Variants in DMD observed in about 807,000 individuals in gnomAD.
DMD encodes the protein dystrophin, also known as mutant dystrophin.
DMD carries 63 observed loss-of-function variants against 330.1 expected under a neutral mutation model. That is an observed-to-expected ratio of 0.19 (90% CI 0.16 to 0.24). The LOEUF (loss-of-function observed/expected upper bound fraction) is 0.24. Among genes scored for constraint, DMD ranks in the 10% least tolerant of loss-of-function variants. The pLI is 1.00. For synonymous variants in DMD, 1,223 were observed against 959.8 expected (o/e 1.27, Z -5.07); for missense variants, 3,344 against 2,684.1 (o/e 1.25, Z -5.43).
chrX:31,823,156 C>A (rs1378791420), intron 49 of DMD, among the ~76,000 whole-genome samples: 1 of 112,966 alleles, frequency 8.9e-6, no homozygotes, highest in Non-Finnish European at 1.9e-5. Context: ...GCTCTCATGG[C>A]AACTGGCCAA....
chrX:32,572,553 T>C (rs1448842108), intron 15 of DMD, among the ~76,000 whole-genome samples: 3 of 90,745 alleles, frequency 3.3e-5, no homozygotes, highest in Non-Finnish European at 7.3e-5. Flanking sequence ...CTTTAGAGTT[T>C]TTTTTTTTTT....
chrX:32,930,013 A>G (rs932344825), intron 2 of DMD, among the ~76,000 whole-genome samples: 1 of 111,753 alleles, frequency 8.9e-6, no homozygotes, highest in African/African-American at 3.3e-5. Context: ...TACCCATCAT[A>G]GTTTGGAAAT....
chrX:32,433,953 C>G (rs182356963), intron 29 of DMD, among the ~76,000 whole-genome samples: 1 of 111,844 alleles, frequency 8.9e-6, no homozygotes, highest in African/African-American at 3.3e-5. Flanking sequence ...TCTTTCAAAT[C>G]ATTACTGTGA....
At chrX:31,525,375 A>C (rs1381557520) in intron 55 of DMD, among the ~76,000 whole-genome samples, 1 of 111,890 alleles carries the variant, frequency 8.9e-6, no homozygotes, top group Non-Finnish European at 1.9e-5. Flanking sequence ...GAGTTCCACT[A>C]ATTTTCTGTG....
At chrX:32,642,046 C>T (rs1008753041) in intron 11 of DMD, among the ~76,000 whole-genome samples, 1 of 111,447 alleles carries the variant, frequency 9.0e-6, no homozygotes, top group African/African-American at 3.3e-5. Context: ...TTCATAATCA[C>T]GTTTTTTGTT....
intron 51 of DMD, among the ~76,000 whole-genome samples, chrX:31,761,315 A>G (rs1167693427): frequency 9.0e-6 from 1 of 111,135 alleles, no homozygotes; most frequent in Non-Finnish European, 1.9e-5. Context: ...AGTTTGGGCC[A>G]TGGGGTGGTG....
At chrX:31,275,570 T>C (rs1488507217) in intron 62 of DMD, among the ~76,000 whole-genome samples, 1 of 110,969 alleles carries the variant, frequency 9.0e-6, no homozygotes, top group African/African-American at 3.3e-5. Flanking sequence ...GAAGAAAAAA[T>C]TGGCACCACC....
rs1229095280 is a variant in DMD at position 33,121,245 on chromosome X, TA to T, written c.31+90036del. Reference sequence around the variant, plus strand: ...AATTTATCATTCTTTTTTTTTTTTTTATTGAGACGGAGTCTTCCTCTGTCTC... The same window carrying T: ...AATTTATCATTCTTTTTTTTTTTTTTTTGAGACGGAGTCTTCCTCTGTCTC... On this transcript the variant is annotated intron_variant, in intron 1 of 78. Coordinates refer to ENST00000357033, the MANE Select transcript of DMD (RefSeq NM_004006.3). Among the ~76,000 whole-genome samples, 419 of 108,804 alleles carry T rather than the reference TA, an allele frequency of 3.9e-3. 2 individuals carry two copies. The highest frequency in any genetic ancestry group is 0.014 in the African/African-American group (407 of 29,726). 94.5% of individuals were successfully genotyped at this position (108,804 alleles called of 115,157 possible). A position where few individuals can be genotyped will look rare whatever the true frequency, so the allele number is the denominator to read the frequency against.
At chrX:31,640,843 C>T (rs975704844) in intron 54 of DMD, among the ~76,000 whole-genome samples, 2 of 111,974 alleles carry the variant, frequency 1.8e-5, no homozygotes, top group Non-Finnish European at 3.8e-5. Flanking sequence ...AGTTTGCACA[C>T]ACTATGGGAA....
chrX:32,742,128 G>A (rs1223706133), intron 7 of DMD, among the ~76,000 whole-genome samples: 1 of 111,505 alleles, frequency 9.0e-6, no homozygotes, highest in Admixed American at 9.6e-5. Context: ...TGATGACCTG[G>A]TTACACAGCT....
In DMD at chrX:32,160,970, G is replaced by A. The variant is rs139610965; in HGVS notation, c.6438+55946C>T. Among the ~76,000 whole-genome samples the A allele has an allele frequency of 5.4e-5, 6 of 111,717 alleles. No homozygotes were observed. In the South Asian group the frequency reaches 2.3e-3, roughly 42 times the overall value. On this transcript the variant is annotated intron_variant, in intron 44 of 78. Coordinates refer to ENST00000357033, the MANE Select transcript of DMD (RefSeq NM_004006.3). ...AACAATAAATTCCTACTTATGTGGA[G>A]TCTCTGTCTTTTTAATAATAGTCAG... is the stretch of plus-strand genomic sequence containing the variant.
At chrX:32,612,925 C>G (rs2057287592) in intron 12 of DMD, among the ~76,000 whole-genome samples, 1 of 110,816 alleles carries the variant, frequency 9.0e-6, no homozygotes, top group Non-Finnish European at 1.9e-5. Flanking sequence ...AAAAAAAACT[C>G]TAGAACTTAG....
rs199774174 is a variant in DMD at position 32,863,537 on chromosome X, TAC to T, written c.94-13719_94-13718del. On this transcript the variant is annotated intron_variant, in intron 2 of 78. Coordinates refer to ENST00000357033, the MANE Select transcript of DMD (RefSeq NM_004006.3). ...AAAAAAAAAAAAAAGATTGTGTTTA[TAC>T]ACACACACACACACACACACACACA... Among the ~76,000 whole-genome samples, 734 of 78,196 alleles carry T rather than the reference TAC, an allele frequency of 9.4e-3. 2 individuals carry two copies. The highest frequency in any genetic ancestry group is 0.017 in the South Asian group (25 of 1,449). 67.9% of individuals were successfully genotyped at this position (78,196 alleles called of 115,157 possible).
chrX:32,141,698 C>CAG (rs1361303437), intron 44 of DMD, among the ~76,000 whole-genome samples: 2 of 106,313 alleles, frequency 1.9e-5, no homozygotes, highest in Admixed American at 2.1e-4. Context: ...CACACACACA[C>CAG]ACACACACAC....
rs144953894 is a variant in DMD at position 32,719,576 on chromosome X, T to C, written c.650-20283A>G. On this transcript the variant is annotated intron_variant, in intron 7 of 78. Coordinates refer to ENST00000357033, the MANE Select transcript of DMD (RefSeq NM_004006.3). ...TTAATATGCATTTGCCTCCAAATATTATAGTAAAATAATGGAATAACAAAA... is the reference window on the plus strand; with the variant it reads ...TTAATATGCATTTGCCTCCAAATATCATAGTAAAATAATGGAATAACAAAA... Among the ~76,000 whole-genome samples, 746 of 111,824 alleles carry C rather than the reference T, an allele frequency of 6.7e-3. 5 individuals are homozygous for C. Among genetic ancestry groups the C allele is most frequent in the African/African-American group, 0.023 (715 of 30,872 alleles).
intron 2 of DMD, among the ~76,000 whole-genome samples, chrX:32,854,784 C>T (rs1255516892): frequency 9.0e-6 from 1 of 111,232 alleles, no homozygotes; most frequent in East Asian, 2.8e-4. Context: ...ACCTAATACT[C>T]AAACTATTGT....
At chrX:32,289,512 G>A (rs962571467) in intron 42 of DMD, among the ~76,000 whole-genome samples, 11 of 110,790 alleles carry the variant, frequency 9.9e-5, no homozygotes, top group African/African-American at 3.6e-4. Flanking sequence ...AGGAGGTTGG[G>A]CATTCTTAGT....
At chrX:32,591,709 C>G (rs996616121) in intron 13 of DMD, among the ~76,000 whole-genome samples, 3 of 112,180 alleles carry the variant, frequency 2.7e-5, no homozygotes, top group Non-Finnish European at 5.6e-5. Flanking sequence ...CAAGCAGGAG[C>G]GCTGCTCCCT....
intron 48 of DMD, among the ~76,000 whole-genome samples, chrX:31,846,717 T>C (rs2093433154): frequency 9.0e-6 from 1 of 111,180 alleles, no homozygotes; most frequent in African/African-American, 3.3e-5. Context: ...TGCAGCCAAA[T>C]GACTAGCATC....
Sources: allele counts gnomAD v4.1 joint callset (sites outside exome capture counted in the v4.1 genomes callset), GRCh38; gene constraint gnomAD v4.1.1; transcripts MANE v1.5; gene names NCBI Gene and HGNC (gene_info 2026-07-23, HGNC 2026-07-21).